The following FANCC variants were observed in gnomAD, a reference collection of about 807,000 sequenced individuals.
FANCC encodes Fanconi anemia group C protein.
Under a neutral mutation model 71.3 loss-of-function variants are expected in FANCC, and 55 were observed. That is an observed-to-expected ratio of 0.77 (90% CI 0.62 to 0.97). The LOEUF (loss-of-function observed/expected upper bound fraction) is 0.97, where lower values mean the gene tolerates loss of function less well. FANCC is among the 50% of genes least tolerant of loss of function. The pLI is 0.00. For missense variants in FANCC, 678 were observed against 670.9 expected, an observed-to-expected ratio of 1.01 and a Z score of -0.12; for synonymous variants, 275 against 244.9, an observed-to-expected ratio of 1.12 and a Z score of -1.15.
At chr9:95,179,689 T>A (rs915468224) in intron 4 of FANCC, among the ~76,000 whole-genome samples, 8 of 152,182 alleles carry the variant, frequency 5.3e-5, no homozygotes, top group African/African-American at 1.9e-4. Flanking sequence ...ATGGGTGTAC[T>A]GATTTGTCAA....
chr9:95,174,700 C>G (rs1049932870), intron 4 of FANCC, among the ~76,000 whole-genome samples: 5 of 152,036 alleles, frequency 3.3e-5, no homozygotes. Context: ...TAACACATTA[C>G]AAGATAAAAT....
chr9:95,239,967 G>C (rs1185299171), intron 4 of FANCC, among the ~76,000 whole-genome samples: 1 of 152,186 alleles, frequency 6.6e-6, no homozygotes, highest in African/African-American at 2.4e-5. Flanking sequence ...AAGGCAGTGC[G>C]GGGAACAGAA....
chr9:95,105,865 G>A (rs2071405926), intron 14 of FANCC, among the ~76,000 whole-genome samples: 2 of 152,212 alleles, frequency 1.3e-5, no homozygotes, highest in African/African-American at 4.8e-5. Context: ...ACGGTGCATT[G>A]CTTGTCCCTC....
intron 4 of FANCC, among the ~76,000 whole-genome samples, chr9:95,240,054 A>C (rs1433115776): frequency 3.3e-5 from 5 of 152,178 alleles, no homozygotes; most frequent in African/African-American, 1.2e-4. Context: ...CCTACCCTTC[A>C]GGAGAAAGTA....
chr9:95,172,024 T>G lies in FANCC; in HGVS notation c.456+13A>C. 2 of 1,505,720 alleles carry G rather than the reference T, an allele frequency of 1.3e-6. No homozygotes were observed. The highest frequency in any genetic ancestry group is 2.3e-5 in the East Asian group (1 of 44,234). The allele number at this position is 1,505,720 out of a possible 1,614,324, so 93.3% of individuals were successfully genotyped here. A position where few individuals can be genotyped will look rare whatever the true frequency, so the allele number is the denominator to read the frequency against. On this transcript the variant is annotated intron_variant, in intron 5 of 14. Transcript: ENST00000289081. ...ATTAAACATTTCAAAAGTGATAAATTTTAAATACTCACATTTTTAAGCAAA... is the reference window on the plus strand; with the variant it reads ...ATTAAACATTTCAAAAGTGATAAATGTTAAATACTCACATTTTTAAGCAAA...
chr9:95,217,259 G>GTGGAA (rs1343463152), intron 4 of FANCC, among the ~76,000 whole-genome samples: 1 of 152,162 alleles, frequency 6.6e-6, no homozygotes, highest in Non-Finnish European at 1.5e-5. Context: ...GCCGAGGTGG[G>GTGGAA]TGGATCATGA....
At chr9:95,195,370 G>C in intron 4 of FANCC, among the ~76,000 whole-genome samples, 1 of 150,396 alleles carries the variant, frequency 6.6e-6, no homozygotes. Flanking sequence ...AGCACCATTT[G>C]TTGAAATTTC....
At chr9:95,126,709 G>A in intron 8 of FANCC, 128 bp from the exon 9 acceptor site, 1 of 932,256 alleles carries the variant, frequency 1.1e-6, no homozygotes, top group South Asian at 1.4e-5. Context: ...CTTTTGGTTA[G>A]AAGAACGAAC....
At chr9:95,281,888 C>T (rs1226042229) in intron 1 of FANCC, among the ~76,000 whole-genome samples, 1 of 151,304 alleles carries the variant, frequency 6.6e-6, no homozygotes, top group East Asian at 1.9e-4. Flanking sequence ...CCCATGGTAA[C>T]CACAAAGCAA....
intron 10 of FANCC, among the ~76,000 whole-genome samples, chr9:95,124,766 G>C (rs1173929414): frequency 1.3e-5 from 2 of 152,192 alleles, no homozygotes; most frequent in Non-Finnish European, 2.9e-5. Flanking sequence ...ATGCAGCCAG[G>C]GGGCAGTGTC....
intron 13 of FANCC, among the ~76,000 whole-genome samples, chr9:95,108,834 A>C (rs1037449455): frequency 2.0e-5 from 3 of 151,940 alleles, no homozygotes; most frequent in African/African-American, 4.8e-5. Context: ...AATGCCTTGT[A>C]TCTTTCATTT....
chr9:95,146,064 T>C (rs1437701128), intron 7 of FANCC, among the ~76,000 whole-genome samples: 3 of 152,106 alleles, frequency 2.0e-5, no homozygotes, highest in African/African-American at 7.2e-5. Flanking sequence ...TATGTGATGA[T>C]GATAAGGAAC....
At chr9:95,274,912 T>C (rs1440528227) in intron 1 of FANCC, among the ~76,000 whole-genome samples, 1 of 152,124 alleles carries the variant, frequency 6.6e-6, no homozygotes, top group Non-Finnish European at 1.5e-5. Flanking sequence ...CTCTGAACTA[T>C]GTATGATACA....
intron 4 of FANCC, 92 bp downstream of exon 4, chr9:95,240,557 T>C (rs1830574989): frequency 1.2e-6 from 1 of 818,504 alleles, no homozygotes; most frequent in Non-Finnish European, 2.1e-6. Flanking sequence ...ATCATAGAAC[T>C]GGATTCCACC....
intron 1 of FANCC, among the ~76,000 whole-genome samples, chr9:95,254,615 C>G (rs1184953346): frequency 6.6e-6 from 1 of 152,226 alleles, no homozygotes; most frequent in Admixed American, 6.5e-5. Context: ...GTGCCTACAC[C>G]ACCAGGGCCC....
At position 95,106,306 on chromosome 9, in the gene FANCC, G is replaced by C. The variant is rs571857775; in HGVS notation, c.1533+760C>G. Among the ~76,000 whole-genome samples the C allele has an allele frequency of 5.9e-5, 9 of 152,096 alleles. No homozygotes were observed. The East Asian group carries it at 1.7e-3, about 29-fold the overall frequency. ...AAGTCCTTTGCCCATTTTTGAATTGGGTTGTTTATCTTTTTGTTGTTGAGT... is the reference window on the plus strand; with the variant it reads ...AAGTCCTTTGCCCATTTTTGAATTGCGTTGTTTATCTTTTTGTTGTTGAGT... On this transcript the variant is annotated intron_variant, in intron 14 of 14. Transcript: ENST00000289081.
chr9:95,195,262 A>G (rs549581785), intron 4 of FANCC, among the ~76,000 whole-genome samples: 1 of 80,896 alleles, frequency 1.2e-5, no homozygotes, highest in South Asian at 4.2e-4. Context: ...TTTTTTTTTG[A>G]AAAGTTTTAT....
rs374745271 is a variant in FANCC, at chr9:95,147,952, C to T, written c.686+1971G>A. Among the ~76,000 whole-genome samples the T allele has an allele frequency of 7.9e-5, 12 of 152,262 alleles. No individual in the cohort carries two copies. In the East Asian group the frequency reaches 1.7e-3, roughly 22 times the overall value. ...CACACACCCAAGTGGTAGGGAAATA[C>T]TTAAAGTACTGAATAACTATTTTGA... is the stretch of plus-strand genomic sequence containing the variant. On this transcript the variant is annotated intron_variant, in intron 7 of 14. Transcript: ENST00000289081.
intron 13 of FANCC, among the ~76,000 whole-genome samples, chr9:95,108,301 C>T (rs563768017): frequency 6.6e-6 from 1 of 152,360 alleles, no homozygotes; most frequent in South Asian, 2.1e-4. Flanking sequence ...CAGGGCAGGC[C>T]TCACTCTCCC....
Sources: gnomAD v4.1 joint callset for allele counts (sites outside exome capture counted in the v4.1 genomes callset) on GRCh38, gnomAD v4.1.1 for gene constraint, MANE v1.5 for transcripts, NCBI Gene and HGNC (gene_info 2026-07-23, HGNC 2026-07-21) for gene names.